The following EPHA8 variants were observed in gnomAD, a reference collection of about 807,000 sequenced individuals.
The protein encoded by EPHA8 is EPH receptor A8, also known as ephrin type-A receptor 8.
EPHA8 carries 58 observed loss-of-function variants against 103.6 expected under a neutral mutation model. The ratio of observed to expected loss-of-function variants is 0.56; its 90% confidence interval spans 0.45 to 0.70. The LOEUF is 0.70. Among genes scored for constraint, EPHA8 ranks in the 30% least tolerant of loss-of-function variants. The probability of loss-of-function intolerance (pLI) is 0.00; values close to 1 mark genes in which losing one functional copy is unlikely to be tolerated. For missense variants in EPHA8, 1,304 were observed against 1,395.2 expected (o/e 0.93, Z 1.04); for synonymous variants, 559 against 572.5 (o/e 0.98, Z 0.34).
rs1030962934 is a variant in EPHA8, at chr1:22,569,108, G to T, written c.95-181G>T. Among the ~76,000 whole-genome samples the T allele has an allele frequency of 1.3e-5, 2 of 152,306 alleles. No homozygotes were observed. The highest frequency in any genetic ancestry group is 2.9e-5 in the Non-Finnish European group (2 of 68,026). The stretch of plus-strand genomic sequence containing the variant: ...GGTGAGAAGAAGGCTTCAGGGAAGA[G>T]AAAGAACTTAAACTGGGCCTTCAAG... On this transcript the variant is annotated intron_variant, in intron 1 of 16. Coordinates refer to ENST00000166244, the MANE Select transcript of EPHA8 (RefSeq NM_020526.5). This position sits in a 1 kb window ranked among gnomAD's most constrained non-coding sequence, Gnocchi z 4.5.
Position 22,597,408 on chromosome 1 carries a change from G to C in EPHA8, c.1862G>C (p.Arg621Pro), listed in dbSNP as rs756831723. 2 of 1,613,536 alleles carry C rather than the reference G, an allele frequency of 1.2e-6. No homozygotes were observed. Among genetic ancestry groups the C allele is most frequent in the Non-Finnish European group, 1.7e-6 (2 of 1,179,988 alleles). Reference protein sequence around the residue: ...AEPHTYEEPGRAGRSFTREIE... With the variant: ...AEPHTYEEPGPAGRSFTREIE... The stretch of plus-strand genomic sequence containing the variant: ...CCCCACACCTACGAGGAGCCAGGCC[G>C]GGCGGGCCGCAGTTTCACTCGGGAG... Residue 621 changes from arginine (R) to proline (P), a missense_variant, in exon 10 of 17, where the codon CGG (arginine) becomes CCG (proline). Transcript: ENST00000166244. This position sits in a 1 kb window ranked among gnomAD's most constrained non-coding sequence, Gnocchi z 4.6.
chr1:22,574,356 C>T (rs1485170828), intron 2 of EPHA8, among the ~76,000 whole-genome samples: 3 of 152,218 alleles, frequency 2.0e-5, no homozygotes, highest in Non-Finnish European at 4.4e-5. Flanking sequence ...CCTTTTTAAG[C>T]GCACACCTTG....
At chr1:22,587,981 T>G (rs1641263805) in intron 4 of EPHA8, among the ~76,000 whole-genome samples, 2 of 152,172 alleles carry the variant, frequency 1.3e-5, no homozygotes, top group African/African-American at 4.8e-5. Context: ...GACACTTGCG[T>G]GAAGCTGGCT....
chr1:22,586,434 C>T (rs747343434), intron 3 of EPHA8, 46 bp from the exon 4 acceptor site: 1 of 1,598,996 alleles, frequency 6.3e-7, no homozygotes, highest in Non-Finnish European at 8.5e-7. Context: ...CAAGGCCAGC[C>T]AGGGTGGCCC....
At position 22,598,934 on chromosome 1, in the gene EPHA8, C is replaced by T. The variant is rs1641599587; in HGVS notation, c.2275C>T (p.Arg759Ter). 6 of 1,612,704 alleles carry T rather than the reference C, an allele frequency of 3.7e-6. No individual in the cohort carries two copies. Among genetic ancestry groups the T allele is most frequent in the East Asian group, 2.2e-5 (1 of 44,836 alleles). ...RYLSDLGYVH[R>*]DLAARNVLVD... is the part of the protein sequence containing the mutation. Reference sequence around the variant, plus strand: ...CCTCTCAGACCTGGGCTATGTCCACCGAGACCTGGCCGCCCGCAACGTCCT... The same window carrying T: ...CCTCTCAGACCTGGGCTATGTCCACTGAGACCTGGCCGCCCGCAACGTCCT... Residue 759 changes from arginine to a stop codon, truncating the protein, a stop_gained, in exon 13 of 17, where the codon CGA (arginine) becomes TGA (stop). Transcript: ENST00000166244. LOFTEE classifies it high-confidence loss of function. The surrounding 1 kb of genome is among the most constrained non-coding windows in gnomAD (Gnocchi z 5.1).
intron 2 of EPHA8, among the ~76,000 whole-genome samples, chr1:22,570,302 A>G (rs765642522): frequency 6.7e-6 from 1 of 148,276 alleles, no homozygotes; most frequent in African/African-American, 2.6e-5. Context: ...ACACATGCAC[A>G]CGTGTGCGTG....
At chr1:22,592,893 C>T (rs1163741960) in intron 5 of EPHA8, among the ~76,000 whole-genome samples, 2 of 152,124 alleles carry the variant, frequency 1.3e-5, no homozygotes, top group Non-Finnish European at 2.9e-5. Context: ...ACTTGGGGCT[C>T]AGCTCACCCC....
intron 4 of EPHA8, among the ~76,000 whole-genome samples, chr1:22,587,736 C>G (rs1641256939): frequency 6.6e-6 from 1 of 152,216 alleles, no homozygotes; most frequent in Non-Finnish European, 1.5e-5. Context: ...CCATCTCCCG[C>G]TCCCATACAT....
intron 2 of EPHA8, among the ~76,000 whole-genome samples, chr1:22,574,423 C>G (rs2124517288): frequency 6.6e-6 from 1 of 152,368 alleles, no homozygotes; most frequent in Non-Finnish European, 1.5e-5. Flanking sequence ...ACTGCCAGAA[C>G]TCCGTTCATC....
chr1:22,579,813 C>T (rs929727854), intron 3 of EPHA8, among the ~76,000 whole-genome samples: 2 of 152,150 alleles, frequency 1.3e-5, no homozygotes, highest in African/African-American at 4.8e-5. Flanking sequence ...AAAACTGGAA[C>T]GGGGCCCTTG....
At chr1:22,574,713 A>G (rs1176157374) in intron 2 of EPHA8, among the ~76,000 whole-genome samples, 2 of 152,172 alleles carry the variant, frequency 1.3e-5, no homozygotes, top group Non-Finnish European at 2.9e-5. Context: ...GGTTCCTTCT[A>G]CGTTGTGGCT....
chr1:22,567,164 G>A lies in EPHA8; in HGVS notation c.95-2125G>A, dbSNP rs915516843. Reference sequence around the variant, plus strand: ...TGGACATCCACTTGAGTGGCTCCGGGATAGGGACAGGTCTGGGCTGCATCC... The same window carrying A: ...TGGACATCCACTTGAGTGGCTCCGGAATAGGGACAGGTCTGGGCTGCATCC... On this transcript the variant is annotated intron_variant, in intron 1 of 16. Transcript: ENST00000166244. The surrounding 1 kb of genome is among the most constrained non-coding windows in gnomAD (Gnocchi z 4.2). Among the ~76,000 whole-genome samples, 1 of 152,160 alleles carries A rather than the reference G, an allele frequency of 6.6e-6. No individual in the cohort carries two copies. Among genetic ancestry groups the A allele is most frequent in the Admixed American group, 6.5e-5 (1 of 15,290 alleles).
intron 3 of EPHA8, among the ~76,000 whole-genome samples, chr1:22,582,205 A>G (rs146212872): frequency 0.018 from 2,810 of 152,296 alleles, 99 homozygotes; most frequent in African/African-American, 0.063. Flanking sequence ...CTGGTTTGAG[A>G]ACATCCTGAT....
chr1:22,586,390 C>T (rs554841950), intron 3 of EPHA8, 90 bp from the exon 4 acceptor site: 2 of 1,492,134 alleles, frequency 1.3e-6, no homozygotes, highest in East Asian at 2.3e-5. Flanking sequence ...GGGGCACCCC[C>T]CAGGAAGCTG....
intron 4 of EPHA8, among the ~76,000 whole-genome samples, chr1:22,587,075 G>T (rs1303495567): frequency 1.3e-5 from 2 of 152,242 alleles, no homozygotes; most frequent in Non-Finnish European, 2.9e-5. Context: ...TGCCTTACAT[G>T]TGTATGGTGT....
chr1:22,578,099 A>T (rs1557559343), intron 3 of EPHA8, among the ~76,000 whole-genome samples: 5 of 7,868 alleles, frequency 6.4e-4, no homozygotes, highest in Non-Finnish European at 3.1e-4. Flanking sequence ...ATGTAGCGTC[A>T]GTGTATGCAT....
chr1:22,578,219 AGTGTGCAT>A (rs371932081), intron 3 of EPHA8, among the ~76,000 whole-genome samples: 2,011 of 50,896 alleles, frequency 0.04, 36 homozygotes, highest in African/African-American at 0.11. Context: ...TGTGCGTGTG[AGTGTGCAT>A]GTGTGTATGT....
chr1:22,580,167 T>C (rs1299508234), intron 3 of EPHA8, among the ~76,000 whole-genome samples: 1 of 147,066 alleles, frequency 6.8e-6, no homozygotes, highest in African/African-American at 2.6e-5. Flanking sequence ...AGACGGAGTT[T>C]TCACTTTTGT....
intron 1 of EPHA8, among the ~76,000 whole-genome samples, chr1:22,564,112 G>A (rs1214986502): frequency 6.6e-6 from 1 of 151,434 alleles, no homozygotes; most frequent in Non-Finnish European, 1.5e-5. Flanking sequence ...CAAGGAACAG[G>A]GTTGGGGACA....
Sources: allele counts gnomAD v4.1 joint callset (sites outside exome capture counted in the v4.1 genomes callset), GRCh38; gene constraint gnomAD v4.1.1; non-coding constraint Gnocchi (gnomAD v3.1); transcripts MANE v1.5; gene names NCBI Gene and HGNC (gene_info 2026-07-23, HGNC 2026-07-21).